The following TNKS1BP1 variants were observed in gnomAD, a reference collection of about 807,000 sequenced individuals.
TNKS1BP1 encodes the protein 182 kDa tankyrase-1-binding protein.
Under a neutral mutation model 141.1 loss-of-function variants are expected in TNKS1BP1, and 48 were observed. That is an observed-to-expected ratio of 0.34 (90% CI 0.27 to 0.43). The LOEUF (loss-of-function observed/expected upper bound fraction) is 0.43, where lower values mean the gene tolerates loss of function less well. TNKS1BP1 is among the 20% of genes least tolerant of loss of function. The pLI, the probability that TNKS1BP1 is intolerant of heterozygous loss-of-function variation, is 1.00. For synonymous variants in TNKS1BP1, 875 were observed against 898.2 expected, an observed-to-expected ratio of 0.97 and a Z score of 0.46; for missense variants, 2,149 against 2,226.0, an observed-to-expected ratio of 0.97 and a Z score of 0.70.
Position 57,309,471 on chromosome 11 carries a change from C to T in TNKS1BP1, c.3240G>A (p.Glu1080=). The part of the protein sequence containing the change: ...GPGSADLEDG[E]MGKRGWVGEF... ...CACCGACCCAGCCTCGCTTTCCCATCTCCCCATCTTCCAGGTCAGCACTGC... is the reference window on the plus strand; with the variant it reads ...CACCGACCCAGCCTCGCTTTCCCATTTCCCCATCTTCCAGGTCAGCACTGC... The change falls in exon 6 of 12, where the codon GAG becomes GAA. Residue 1080 remains glutamate, a synonymous_variant. Transcript: ENST00000358252. This position sits in a 1 kb window ranked among gnomAD's most constrained non-coding sequence, Gnocchi z 4.3. 6.2e-6 allele frequency: 10 copies of T among 1,614,108 alleles called. No homozygotes were observed. The highest frequency in any genetic ancestry group is 8.5e-6 in the Non-Finnish European group (10 of 1,180,032).
chr11:57,304,294 G>A (rs1056663653), intron 6 of TNKS1BP1, among the ~76,000 whole-genome samples: 1 of 152,172 alleles, frequency 6.6e-6, no homozygotes, highest in Admixed American at 6.5e-5. Context: ...GAGAGCATGA[G>A]TGGTAGTCTG....
At chr11:57,304,944 T>A (rs537917003) in intron 6 of TNKS1BP1, among the ~76,000 whole-genome samples, 2 of 149,870 alleles carry the variant, frequency 1.3e-5, no homozygotes, top group East Asian at 3.9e-4. Context: ...CAGAGGTCAG[T>A]GAGCTCTGGA....
chr11:57,302,845 A>C lies in TNKS1BP1; in HGVS notation c.4317-20T>G, dbSNP rs773328723. On this transcript the variant is annotated intron_variant, in intron 6 of 11. Transcript: ENST00000358252. The surrounding 1 kb of genome is among the most constrained non-coding windows in gnomAD (Gnocchi z 5.5). ...CCAGGGCTGTAAAGGGGACAGAGAGAGAACGAGATCATCGTAAGGCCCCAT... is the reference window on the plus strand; with the variant it reads ...CCAGGGCTGTAAAGGGGACAGAGAGCGAACGAGATCATCGTAAGGCCCCAT... 1 of 1,499,366 alleles carries C rather than the reference A, an allele frequency of 6.7e-7. No individual in the cohort carries two copies. Among genetic ancestry groups the C allele is most frequent in the South Asian group, 1.3e-5 (1 of 76,518 alleles). The allele number at this position is 1,499,366 out of a possible 1,614,324, so 92.9% of individuals were successfully genotyped here. A position where few individuals can be genotyped will look rare whatever the true frequency, so the allele number is the denominator to read the frequency against.
At chr11:57,300,506 A>C (rs770412512) in intron 11 of TNKS1BP1, 22 bp downstream of exon 11, 1 of 1,613,534 alleles carries the variant, frequency 6.2e-7, no homozygotes, top group Non-Finnish European at 8.5e-7. Flanking sequence ...GACTGGATCC[A>C]AGCCCAGGAA....
At position 57,300,574 on chromosome 11, in the gene TNKS1BP1, A is replaced by G; in HGVS notation, c.5156T>C (p.Leu1719Pro). The G allele has an allele frequency of 6.2e-7, 1 of 1,614,206 alleles. No individual in the cohort carries two copies. Among genetic ancestry groups the G allele is most frequent in the South Asian group, 1.1e-5 (1 of 91,088 alleles). Reference protein sequence around the residue: ...SGSEGSSPNWLQALKLKKKKV With the variant: ...SGSEGSSPNWPQALKLKKKKV ...CTTCTTCTTCAGTTTCAGGGCTTGA[A>G]GCCAGTTGGGCGACGATCCTTCTGA... Residue 1719 changes from leucine to proline, a missense_variant, in exon 11 of 12, where the codon CTT becomes CCT. Physicochemically the swap from Leu to Pro is moderately conservative, Grantham distance 98. Coordinates refer to ENST00000358252, the MANE Select transcript of TNKS1BP1 (RefSeq NM_033396.3).
At chr11:57,320,017 A>AACCCCCCC in intron 3 of TNKS1BP1, 62 bp downstream of exon 3, 1 of 483,140 alleles carries the variant, frequency 2.1e-6, no homozygotes. Flanking sequence ...CCCAGCCCCC[A>AACCCCCCC]CCCAATCCCA....
intron 2 of TNKS1BP1, among the ~76,000 whole-genome samples, chr11:57,321,133 ACTCTT>A (rs1855879497): frequency 6.6e-6 from 1 of 151,782 alleles, no homozygotes; most frequent in African/African-American, 2.4e-5. Context: ...CTTATGTGAC[ACTCTT>A]CTCTATCATC....
At chr11:57,320,793 C>T in intron 2 of TNKS1BP1, 81 bp from the exon 3 acceptor site, 1 of 1,409,894 alleles carries the variant, frequency 7.1e-7, no homozygotes, top group East Asian at 2.4e-5. Context: ...TCCACCTCAT[C>T]TCCCACCCTC....
chr11:57,317,927 TAG>T, intron 3 of TNKS1BP1, 40 bp from the exon 4 acceptor site: 6 of 1,593,936 alleles, frequency 3.8e-6, no homozygotes, highest in Non-Finnish European at 5.2e-6. Context: ...CACGGAATGT[TAG>T]AGTCTGTCAC....
chr11:57,302,918 A>G lies in TNKS1BP1; in HGVS notation c.4317-93T>C. 1 of 1,385,302 alleles carries G rather than the reference A, an allele frequency of 7.2e-7. No individual in the cohort carries two copies. 85.8% of individuals were successfully genotyped at this position (1,385,302 alleles called of 1,614,324 possible). ...CACAAGCTCCTTCCCCCAGCCCCCA[A>G]ACTCTCCCTTGCCCTCCTTCCCATG... On this transcript the variant is annotated intron_variant, in intron 6 of 11. Coordinates refer to ENST00000358252, the MANE Select transcript of TNKS1BP1 (RefSeq NM_033396.3). The surrounding 1 kb of genome is among the most constrained non-coding windows in gnomAD (Gnocchi z 5.5).
In TNKS1BP1 at chr11:57,308,865, T is replaced by C. The variant is rs1387213746; in HGVS notation, c.3846A>G (p.Thr1282=). The C allele has an allele frequency of 1.9e-6, 3 of 1,613,908 alleles. No homozygotes were observed. Among genetic ancestry groups the C allele is most frequent in the East Asian group, 4.5e-5 (2 of 44,880 alleles). Residue 1282 remains threonine (T), a synonymous_variant, in exon 6 of 12, where the codon ACA becomes ACG. Coordinates refer to ENST00000358252, the MANE Select transcript of TNKS1BP1 (RefSeq NM_033396.3). The part of the protein sequence containing the change: ...RERGVGQADW[T]PDLGLRNMAP... Reference sequence around the variant, plus strand: ...CCATGTTTCTCAGCCCAAGGTCAGGTGTCCAGTCTGCCTGTCCAACTCCAC... The same window carrying C: ...CCATGTTTCTCAGCCCAAGGTCAGGCGTCCAGTCTGCCTGTCCAACTCCAC...
chr11:57,313,518 G>T lies in TNKS1BP1; in HGVS notation c.1170C>A (p.Pro390=). 1 of 1,571,466 alleles carries T rather than the reference G, an allele frequency of 6.4e-7. No homozygotes were observed. The highest frequency in any genetic ancestry group is 8.6e-7 in the Non-Finnish European group (1 of 1,158,054). Residue 390 remains proline (P), a synonymous_variant, in exon 5 of 12, where the codon CCC becomes CCA. Transcript: ENST00000358252. The part of the protein sequence containing the change: ...LDQPPATSPR[P]LIEVGELLDL... ...CCAGCAACTCACCCACCTCGATCAG[G>T]GGCCGGGGTGAGGTGGCAGGGGGCT... is the stretch of plus-strand genomic sequence containing the variant.
chr11:57,301,656 CT>C, intron 9 of TNKS1BP1, 150 bp downstream of exon 9: 1 of 1,109,780 alleles, frequency 9.0e-7, no homozygotes, highest in East Asian at 2.5e-5. Flanking sequence ...ACAAAGGGAT[CT>C]TCTGGAGCCC....
chr11:57,308,040 C>T (rs1196236340), intron 6 of TNKS1BP1, among the ~76,000 whole-genome samples: 1 of 152,310 alleles, frequency 6.6e-6, no homozygotes, highest in East Asian at 1.9e-4. Flanking sequence ...GGCTTCAGGG[C>T]TGAGAGGCCT....
Position 57,321,833 on chromosome 11 carries a change from C to G in TNKS1BP1, c.53G>C (p.Arg18Pro), listed in dbSNP as rs752369769. 6.2e-7 allele frequency: 1 copy of G among 1,614,074 alleles called. No individual in the cohort carries two copies. The highest frequency in any genetic ancestry group is 1.1e-5 in the South Asian group (1 of 91,070). Residue 18 changes from arginine to proline, a missense_variant, in exon 2 of 12, where the codon CGG (arginine) becomes CCG (proline). By Grantham distance (103) the Arg-to-Pro change is moderately radical. Coordinates refer to ENST00000358252, the MANE Select transcript of TNKS1BP1 (RefSeq NM_033396.3). ...AGGCACCAGCTCCTCCTCCATCTCC[C>G]GGGGCAGTGGGGAAGCCATGGCTGA... is the stretch of plus-strand genomic sequence containing the variant. ...ESSAMASPLP[R>P]EMEEELVPTG...
chr11:57,320,401 A>G lies in TNKS1BP1; in HGVS notation c.406T>C (p.Cys136Arg), dbSNP rs751791041. 4 of 1,612,446 alleles carry G rather than the reference A, an allele frequency of 2.5e-6. No individual in the cohort carries two copies. Among genetic ancestry groups the G allele is most frequent in the Non-Finnish European group, 3.4e-6 (4 of 1,178,678 alleles). Residue 136 changes from cysteine to arginine, a missense_variant, in exon 3 of 12, where the codon TGT becomes CGT. Transcript: ENST00000358252. The stretch of plus-strand genomic sequence containing the variant: ...TTCCGTACACCCCCTGGGGCTGCAC[A>G]TCGAGCTGGGGGTGTCAAAGGGGGT... ...EPPPLTPPAR[C>R]AAPGGVRKAP...
Position 57,317,895 on chromosome 11 carries a change from G to C in TNKS1BP1, c.729-8C>G. 1.9e-6 allele frequency: 3 copies of C among 1,613,376 alleles called. No individual in the cohort carries two copies. Among genetic ancestry groups the C allele is most frequent in the Non-Finnish European group, 2.5e-6 (3 of 1,179,428 alleles). On this transcript the variant is annotated splice_region_variant and splice_polypyrimidine_tract_variant and intron_variant, in intron 3 of 11. Transcript: ENST00000358252. Reference sequence around the variant, plus strand: ...AGGTCGGAAGGAAGGCTCCTGTGAGGGACGAGGACAGGAAATGGAAGCACG... The same window carrying C: ...AGGTCGGAAGGAAGGCTCCTGTGAGCGACGAGGACAGGAAATGGAAGCACG...
Position 57,300,399 on chromosome 11 carries a change from C to A in TNKS1BP1, c.*12+129G>T, listed in dbSNP as rs553857932. ...GGCCTACCGAGTCTCTGGAGCTTGG[C>A]TTCACCTGCTGTTTCTAAACTTGCA... On this transcript the variant is annotated intron_variant, in intron 11 of 11. Transcript: ENST00000358252. 9.8e-6 allele frequency: 8 copies of A among 818,034 alleles called. No individual in the cohort carries two copies. The East Asian group carries it at 2.1e-4, about 21-fold the overall frequency. 50.7% of individuals were successfully genotyped at this position (818,034 alleles called of 1,614,324 possible).
intron 3 of TNKS1BP1, 76 bp downstream of exon 3, chr11:57,320,003 G>T: frequency 6.4e-7 from 1 of 1,554,106 alleles, no homozygotes. Context: ...CCATGCACTT[G>T]GTCCCCAGCC....
Sources: allele counts gnomAD v4.1 joint callset (sites outside exome capture counted in the v4.1 genomes callset), GRCh38; gene constraint gnomAD v4.1.1; non-coding constraint Gnocchi (gnomAD v3.1); transcripts MANE v1.5; gene names NCBI Gene and HGNC (gene_info 2026-07-23, HGNC 2026-07-21).